Variants in FLT1 observed in about 807,000 individuals in gnomAD.
FLT1 encodes fms related receptor tyrosine kinase 1, also known as vascular endothelial growth factor receptor 1.
FLT1 carries 49 observed loss-of-function variants against 156.3 expected under a neutral mutation model. The observed-to-expected ratio is 0.31, with a 90% CI of 0.25 to 0.40. The LOEUF is 0.40. FLT1 is among the 10% of genes least tolerant of loss of function. The pLI is 1.00. For missense variants in FLT1, 1,322 were observed against 1,637.2 expected (o/e 0.81, Z 3.32); for synonymous variants, 594 against 583.8 (o/e 1.02, Z -0.25).
chr13:28,458,539 T>C (rs950597654), intron 3 of FLT1, among the ~76,000 whole-genome samples: 4 of 152,200 alleles, frequency 2.6e-5, no homozygotes, highest in Non-Finnish European at 5.9e-5. Context: ...TAGGACATCC[T>C]AGGAGAATAC....
rs143087205 is a variant in FLT1 at position 28,456,606 on chromosome 13, G to A, written c.388+10297C>T. 8.5e-3 allele frequency among the ~76,000 whole-genome samples: 1,299 copies of A among 152,108 alleles called. 15 individuals carry two copies. The highest frequency in any genetic ancestry group is 0.03 in the African/African-American group (1,224 of 41,478). ...AGGTCAGGAGCTCGAGACCAGCCTGGCCAACATGGTGAAACCCTGTCTCTA... is the reference window on the plus strand; with the variant it reads ...AGGTCAGGAGCTCGAGACCAGCCTGACCAACATGGTGAAACCCTGTCTCTA... On this transcript the variant is annotated intron_variant, in intron 3 of 29. Transcript: ENST00000282397.
chr13:28,429,523 C>CA (rs1000888237), intron 8 of FLT1, among the ~76,000 whole-genome samples: 7 of 151,756 alleles, frequency 4.6e-5, no homozygotes, highest in African/African-American at 1.7e-4. Context: ...TCTTTCTAGC[C>CA]AAAAAAAACT....
intron 3 of FLT1, among the ~76,000 whole-genome samples, chr13:28,444,200 G>A (rs1017077929): frequency 2.4e-4 from 37 of 152,144 alleles, no homozygotes; most frequent in African/African-American, 7.2e-4. Flanking sequence ...CCAGCACTTT[G>A]GGAGGCCAAG....
intron 28 of FLT1, 108 bp from the exon 29 acceptor site, chr13:28,306,880 C>T (rs1432602349): frequency 6.6e-6 from 5 of 759,098 alleles, no homozygotes; most frequent in Non-Finnish European, 1.2e-5. Context: ...CTCTGCCTCA[C>T]CCTCCACAAT....
chr13:28,322,210 GGT>G lies in FLT1; in HGVS notation c.3051+50_3051+51del. The G allele has an allele frequency of 1.9e-6, 2 of 1,047,340 alleles. No homozygotes were observed. The highest frequency in any genetic ancestry group is 3.0e-6 in the Non-Finnish European group (2 of 663,334). 64.9% of individuals were successfully genotyped at this position (1,047,340 alleles called of 1,614,324 possible). On this transcript the variant is annotated intron_variant, in intron 22 of 29. Transcript: ENST00000282397. The surrounding 1 kb of genome is among the most constrained non-coding windows in gnomAD (Gnocchi z 4.3). Reference sequence around the variant, plus strand: ...CTAGGAAAAATGAATTTATAGCAAAGGTGTGTGTCCAGCCCTGGCAGAGAAGA... The same window carrying G: ...CTAGGAAAAATGAATTTATAGCAAAGGTGTGTCCAGCCCTGGCAGAGAAGA...
At chr13:28,358,900 G>A (rs186961369) in intron 14 of FLT1, among the ~76,000 whole-genome samples, 1 of 152,280 alleles carries the variant, frequency 6.6e-6, no homozygotes, top group East Asian at 1.9e-4. Flanking sequence ...GAAGAGGTGG[G>A]CCTCGAGTTG....
rs934364679 is a variant in FLT1 at position 28,494,924 on chromosome 13, T to A, written c.-81A>T. ...CCGGCCGCCAGAGTCCGTCCTCTCG[T>A]TCGCCGCCGCCGGCCCCGCGCCCTG... On this transcript the variant is annotated 5_prime_UTR_variant, in exon 1 of 30. Coordinates refer to ENST00000282397, the MANE Select transcript of FLT1 (RefSeq NM_002019.4). 1 of 1,161,350 alleles carries A rather than the reference T, an allele frequency of 8.6e-7. No individual in the cohort carries two copies. The allele number at this position is 1,161,350 out of a possible 1,614,324, so 71.9% of individuals were successfully genotyped here. A position where few individuals can be genotyped will look rare whatever the true frequency, so the allele number is the denominator to read the frequency against.
intron 3 of FLT1, among the ~76,000 whole-genome samples, chr13:28,454,267 C>G (rs1442415311): frequency 2.6e-5 from 4 of 152,132 alleles, no homozygotes; most frequent in Non-Finnish European, 5.9e-5. Flanking sequence ...GTTAGGCAGT[C>G]TGTATTGTCT....
intron 25 of FLT1, among the ~76,000 whole-genome samples, chr13:28,312,637 A>T (rs1168732474): frequency 6.6e-6 from 1 of 152,196 alleles, no homozygotes; most frequent in Non-Finnish European, 1.5e-5. Context: ...GGCATTTCCA[A>T]GTCCTCACAC....
chr13:28,449,487 A>T (rs1878800490), intron 3 of FLT1, among the ~76,000 whole-genome samples: 1 of 152,252 alleles, frequency 6.6e-6, no homozygotes, highest in Non-Finnish European at 1.5e-5. Context: ...TCAGCTAAAA[A>T]TATAACAACT....
intron 4 of FLT1, among the ~76,000 whole-genome samples, chr13:28,436,624 G>A (rs981883843): frequency 7.2e-5 from 11 of 152,164 alleles, no homozygotes; most frequent in Non-Finnish European, 1.3e-4. Context: ...CCCTCTCCAC[G>A]TGGTGTTTTC....
chr13:28,466,712 T>A (rs1879865674), intron 3 of FLT1, 191 bp downstream of exon 3: 1 of 679,514 alleles, frequency 1.5e-6, no homozygotes, highest in Non-Finnish European at 2.7e-6. Context: ...GAGCACATAG[T>A]GACTAACTGG....
At chr13:28,336,071 T>C (rs1210132591) in intron 17 of FLT1, among the ~76,000 whole-genome samples, 2 of 152,226 alleles carry the variant, frequency 1.3e-5, no homozygotes, top group Non-Finnish European at 2.9e-5. Context: ...TATCCAGATC[T>C]TTTCTCCTTA....
chr13:28,336,731 C>A (rs1385663245), intron 17 of FLT1, among the ~76,000 whole-genome samples: 2 of 148,182 alleles, frequency 1.3e-5, no homozygotes, highest in Admixed American at 6.7e-5. Flanking sequence ...CAGTGTTGAA[C>A]ATTATTCTAA....
chr13:28,466,658 G>A, intron 3 of FLT1: 2 of 565,612 alleles, frequency 3.5e-6, no homozygotes. Flanking sequence ...GCTAGGAGCT[G>A]TGGGTACAGA....
In FLT1 at chr13:28,300,526, CA is replaced by C. The variant is rs1870467391; in HGVS notation, c.*2640del. The C allele has an allele frequency of 8.9e-4, 14 of 15,718 alleles. No individual in the cohort carries two copies. The South Asian group carries it at 0.089, about 100-fold the overall frequency. 1.0% of individuals were successfully genotyped at this position (15,718 alleles called of 1,614,324 possible). A position where few individuals can be genotyped will look rare whatever the true frequency, so the allele number is the denominator to read the frequency against. Reference sequence around the variant, plus strand: ...TGCACAAAACACACATACACCCACACACACACACACACACACACACACACAC... The same window carrying C: ...TGCACAAAACACACATACACCCACACCACACACACACACACACACACACAC... On this transcript the variant is annotated 3_prime_UTR_variant, in exon 30 of 30. Coordinates refer to ENST00000282397, the MANE Select transcript of FLT1 (RefSeq NM_002019.4).
intron 3 of FLT1, among the ~76,000 whole-genome samples, chr13:28,465,287 A>C (rs769147079): frequency 6.6e-6 from 1 of 152,154 alleles, no homozygotes; most frequent in East Asian, 1.9e-4. Flanking sequence ...AGCTGATTGC[A>C]TCCCTTGACG....
At chr13:28,406,639 ATT>A in intron 10 of FLT1, among the ~76,000 whole-genome samples, 1 of 18,412 alleles carries the variant, frequency 5.4e-5, no homozygotes, top group African/African-American at 7.3e-5. Flanking sequence ...TATTATTATT[ATT>A]ATTATTATTA....
intron 15 of FLT1, among the ~76,000 whole-genome samples, chr13:28,355,902 C>T (rs1872880812): frequency 6.6e-6 from 1 of 152,194 alleles, no homozygotes; most frequent in South Asian, 2.1e-4. Context: ...GTTTTAAGCA[C>T]ACTGGCTTCT....
Sources: gnomAD v4.1 joint callset for allele counts (sites outside exome capture counted in the v4.1 genomes callset) on GRCh38, gnomAD v4.1.1 for gene constraint, Gnocchi (gnomAD v3.1) non-coding constraint, MANE v1.5 for transcripts, NCBI Gene and HGNC (gene_info 2026-07-23, HGNC 2026-07-21) for gene names.